VPS13B: variants seen among roughly 807,000 people sequenced by gnomAD.
VPS13B encodes the protein vacuolar protein sorting 13 homolog B, also known as intermembrane lipid transfer protein VPS13B.
VPS13B carries 285 observed loss-of-function variants against 426.4 expected under a neutral mutation model. The ratio of observed to expected loss-of-function variants is 0.67; its 90% confidence interval spans 0.61 to 0.74. VPS13B has a LOEUF of 0.74. Among genes scored for constraint, VPS13B ranks in the 30% least tolerant of loss-of-function variants. The pLI, the probability that VPS13B is intolerant of heterozygous loss-of-function variation, is 0.00. For missense variants in VPS13B, 4,537 were observed against 4,782.6 expected (o/e 0.95, Z 1.51); for synonymous variants, 1,676 against 1,676.4 (o/e 1.00, Z 0.01).
At chr8:99,529,159 G>A (rs987842473) in intron 30 of VPS13B, among the ~76,000 whole-genome samples, 1 of 152,006 alleles carries the variant, frequency 6.6e-6, no homozygotes, top group Non-Finnish European at 1.5e-5. Flanking sequence ...ACACCAAAGT[G>A]TATGCAATAC....
At chr8:99,321,366 G>A (rs568490356) in intron 19 of VPS13B, among the ~76,000 whole-genome samples, 5 of 151,792 alleles carry the variant, frequency 3.3e-5, no homozygotes, top group East Asian at 3.9e-4. Context: ...GCACCACCAC[G>A]CCCAGCTAAT....
intron 41 of VPS13B, among the ~76,000 whole-genome samples, 185 bp downstream of exon 41, chr8:99,777,141 T>C (rs567490802): frequency 6.6e-6 from 1 of 152,318 alleles, no homozygotes; most frequent in East Asian, 1.9e-4. Flanking sequence ...TGAACCAGCT[T>C]ATGAACCCAT....
intron 25 of VPS13B, among the ~76,000 whole-genome samples, chr8:99,494,233 C>T (rs186501711): frequency 1.3e-5 from 2 of 152,130 alleles, no homozygotes; most frequent in East Asian, 3.9e-4. Flanking sequence ...TGTTATACAA[C>T]CTTCACAACA....
At position 99,720,871 on chromosome 8, in the gene VPS13B, A is replaced by G; in HGVS notation, c.6874A>G (p.Lys2292Glu). 6.2e-7 allele frequency: 1 copy of G among 1,613,316 alleles called. No individual in the cohort carries two copies. The highest frequency in any genetic ancestry group is 8.5e-7 in the Non-Finnish European group (1 of 1,179,600). ...ATACTTTTATTTGACAGAATCTTTG[A>G]AATTGCCTGGGGTCTATGAAGTCTT... Reference protein sequence around the residue: ...FQYVQDAESLKLPGVYEVLFY... With the variant: ...FQYVQDAESLELPGVYEVLFY... The change falls in exon 39 of 62, where the codon AAA becomes GAA. Residue 2292 changes from lysine to glutamate, a missense_variant. Lys to Glu is a moderately conservative substitution (Grantham distance 56, BLOSUM62 1). Transcript: ENST00000357162.
At chr8:99,444,709 G>T (rs1033031636) in intron 23 of VPS13B, among the ~76,000 whole-genome samples, 7 of 151,628 alleles carry the variant, frequency 4.6e-5, no homozygotes, top group Non-Finnish European at 8.8e-5. Flanking sequence ...TTTCATTCTT[G>T]CTGAGGCTGA....
At chr8:99,022,332 A>C (rs1841939174) in intron 2 of VPS13B, among the ~76,000 whole-genome samples, 1 of 152,010 alleles carries the variant, frequency 6.6e-6, no homozygotes, top group Non-Finnish European at 1.5e-5. Flanking sequence ...TAAGTTAAAA[A>C]AATTTTATAA....
chr8:99,123,140 A>G (rs1054303638), intron 8 of VPS13B, among the ~76,000 whole-genome samples: 1 of 151,422 alleles, frequency 6.6e-6, no homozygotes, highest in South Asian at 2.1e-4. Flanking sequence ...AAAAAAAAAA[A>G]AAAAAGAAAG....
intron 21 of VPS13B, among the ~76,000 whole-genome samples, chr8:99,424,045 G>C (rs1369288190): frequency 6.6e-6 from 1 of 152,150 alleles, no homozygotes; most frequent in Non-Finnish European, 1.5e-5. Flanking sequence ...GGGAGTCTAA[G>C]TCTCTTTGTA....
At chr8:99,395,920 A>G (rs924285295) in intron 21 of VPS13B, among the ~76,000 whole-genome samples, 13 of 152,212 alleles carry the variant, frequency 8.5e-5, no homozygotes, top group African/African-American at 2.2e-4. Flanking sequence ...GCCAAACTCA[A>G]TTCTACAGAT....
At chr8:99,560,291 C>T (rs1824836384) in intron 31 of VPS13B, among the ~76,000 whole-genome samples, 1 of 152,024 alleles carries the variant, frequency 6.6e-6, no homozygotes, top group East Asian at 1.9e-4. Context: ...TGCTTATCAG[C>T]TTAAGGAGAT....
intron 19 of VPS13B, among the ~76,000 whole-genome samples, chr8:99,285,842 A>G (rs1819407050): frequency 6.6e-6 from 1 of 152,130 alleles, no homozygotes; most frequent in Non-Finnish European, 1.5e-5. Flanking sequence ...CATTCTACTG[A>G]CAGCCTTTGC....
chr8:99,382,232 T>C (rs1019825555), intron 19 of VPS13B, among the ~76,000 whole-genome samples: 3 of 152,190 alleles, frequency 2.0e-5, no homozygotes, highest in Admixed American at 6.5e-5. Context: ...ACTATAGTCT[T>C]GTAGTATAGA....
At chr8:99,410,887 A>G (rs1464133677) in intron 21 of VPS13B, among the ~76,000 whole-genome samples, 4 of 152,174 alleles carry the variant, frequency 2.6e-5, no homozygotes, top group Non-Finnish European at 4.4e-5. Context: ...TGCAAAGGAC[A>G]TAAACTCATC....
In VPS13B at chr8:99,657,949, A is replaced by G. The variant is rs79145878; in HGVS notation, c.5909-3405A>G. Among the ~76,000 whole-genome samples the G allele has an allele frequency of 4.2e-4, 64 of 152,330 alleles. No individual in the cohort carries two copies. The East Asian group carries it at 8.7e-3, about 21-fold the overall frequency. On this transcript the variant is annotated intron_variant, in intron 34 of 61. Transcript: ENST00000357162. Reference sequence around the variant, plus strand: ...ATTTGTTTCTTCTCCTTCTCCCCCAATATAAGATATTATCAATTTTTTAAA... The same window carrying G: ...ATTTGTTTCTTCTCCTTCTCCCCCAGTATAAGATATTATCAATTTTTTAAA...
At chr8:99,110,379 C>T (rs1007590359) in intron 5 of VPS13B, among the ~76,000 whole-genome samples, 1 of 152,030 alleles carries the variant, frequency 6.6e-6, no homozygotes, top group Non-Finnish European at 1.5e-5. Context: ...TACTTTTATA[C>T]TTTACCATCA....
intron 21 of VPS13B, among the ~76,000 whole-genome samples, chr8:99,395,441 C>G (rs1814680018): frequency 6.6e-6 from 1 of 152,156 alleles, no homozygotes; most frequent in Admixed American, 6.5e-5. Flanking sequence ...TACTGTCCAT[C>G]ATATATAATT....
At chr8:99,345,314 A>T (rs1290496225) in intron 19 of VPS13B, among the ~76,000 whole-genome samples, 1 of 152,022 alleles carries the variant, frequency 6.6e-6, no homozygotes, top group Admixed American at 6.6e-5. Flanking sequence ...GCCCACCTTA[A>T]CCTTCTTTTT....
chr8:99,840,839 T>G (rs182839303), intron 54 of VPS13B, among the ~76,000 whole-genome samples: 145 of 152,300 alleles, frequency 9.5e-4, no homozygotes, highest in Middle Eastern at 3.4e-3. Context: ...ATTCAGGAAT[T>G]TTTATAAAGA....
rs558640438 is a variant in VPS13B at position 99,545,383 on chromosome 8, G to T, written c.4746-11067G>T. ...AAATTTCTGTATCTGCACTAATACA[G>T]TAGCCATTATCTACTGTAACTACTG... On this transcript the variant is annotated intron_variant, in intron 30 of 61. Coordinates refer to ENST00000357162, the MANE Select transcript of VPS13B (RefSeq NM_152564.5). 2.6e-5 allele frequency among the ~76,000 whole-genome samples: 4 copies of T among 152,212 alleles called. No homozygotes were observed. The East Asian group carries it at 7.7e-4, about 29-fold the overall frequency.
Sources: allele counts gnomAD v4.1 joint callset (sites outside exome capture counted in the v4.1 genomes callset), GRCh38; gene constraint gnomAD v4.1.1; transcripts MANE v1.5; gene names NCBI Gene and HGNC (gene_info 2026-07-23, HGNC 2026-07-21).